OSTM1: variants seen among roughly 807,000 people sequenced by gnomAD.
The protein encoded by OSTM1 is osteopetrosis-associated transmembrane protein 1.
In OSTM1, 26 loss-of-function variants were observed where a neutral mutation model predicts 35.4. The ratio of observed to expected loss-of-function variants is 0.73; its 90% CI spans 0.54 to 1.02. The LOEUF (loss-of-function observed/expected upper bound fraction) is 1.02. Among genes scored for constraint, OSTM1 ranks in the 50% least tolerant of loss-of-function variants. The probability of loss-of-function intolerance (pLI) is 0.00; values close to 1 mark genes in which losing one functional copy is unlikely to be tolerated. For missense variants in OSTM1, 366 were observed against 409.6 expected, an observed-to-expected ratio of 0.89 and a Z score of 0.92; for synonymous variants, 181 against 165.0, an observed-to-expected ratio of 1.10 and a Z score of -0.75.
chr6:108,061,254 C>T (rs934081802), intron 2 of OSTM1, among the ~76,000 whole-genome samples: 1 of 152,052 alleles, frequency 6.6e-6, no homozygotes, highest in Non-Finnish European at 1.5e-5. Context: ...GGCTTCTTAT[C>T]CCATTTTAGT....
chr6:108,063,763 C>T (rs564275216), intron 2 of OSTM1, among the ~76,000 whole-genome samples: 4 of 152,282 alleles, frequency 2.6e-5, no homozygotes, highest in South Asian at 4.1e-4. Flanking sequence ...TTCTTGAACA[C>T]TAAATACGTG....
chr6:108,067,746 C>G (rs1413580547), intron 1 of OSTM1, among the ~76,000 whole-genome samples: 1 of 144,804 alleles, frequency 6.9e-6, no homozygotes, highest in Non-Finnish European at 1.5e-5. Context: ...TGGAGAATCG[C>G]TTGAACCTGG....
chr6:108,060,738 A>G (rs1452188085), intron 2 of OSTM1: 1 of 152,056 alleles, frequency 6.6e-6, no homozygotes, highest in Non-Finnish European at 1.5e-5. Flanking sequence ...ACAAACAAAA[A>G]CACTTTTTAA....
intron 1 of OSTM1, among the ~76,000 whole-genome samples, chr6:108,067,967 C>T (rs1772410163): frequency 6.6e-6 from 1 of 152,122 alleles, no homozygotes; most frequent in South Asian, 2.1e-4. Context: ...TTCACTCTTC[C>T]CATGTCCTCA....
rs546734513 is a variant in OSTM1, at chr6:108,074,071, C to T, written c.402+179G>A. On this transcript the variant is annotated intron_variant, in intron 1 of 5. Coordinates refer to ENST00000193322, the MANE Select transcript of OSTM1 (RefSeq NM_014028.4). ...CCAACAGCATTCTTGGAAGCAAAAA[C>T]CCAAATCCCAAGCCCCATAATGCCA... 5.9e-5 allele frequency among the ~76,000 whole-genome samples: 9 copies of T among 152,230 alleles called. No individual in the cohort carries two copies. The South Asian group carries it at 1.9e-3, about 32-fold the overall frequency.
intron 4 of OSTM1, 133 bp from the exon 5 acceptor site, chr6:108,049,551 G>T: frequency 6.8e-7 from 1 of 1,472,972 alleles, no homozygotes; most frequent in Non-Finnish European, 9.0e-7. Flanking sequence ...CCTACTGATA[G>T]TTGAGGACAA....
chr6:108,049,733 G>A (rs1436386963), intron 4 of OSTM1: 2 of 248,242 alleles, frequency 8.1e-6, no homozygotes, highest in East Asian at 9.4e-5. Context: ...GTTAGGCCCT[G>A]TTTTATTCAT....
At chr6:108,059,109 A>G (rs894931217) in intron 2 of OSTM1, among the ~76,000 whole-genome samples, 2 of 152,222 alleles carry the variant, frequency 1.3e-5, no homozygotes, top group Admixed American at 1.3e-4. Flanking sequence ...CCAAAGAACC[A>G]AAACACTAAA....
At chr6:108,058,511 G>A (rs1416494880) in intron 2 of OSTM1, among the ~76,000 whole-genome samples, 2 of 131,314 alleles carry the variant, frequency 1.5e-5, no homozygotes, top group South Asian at 2.4e-4. Context: ...GTTTTGGGCC[G>A]GGCGCAGTGG....
At chr6:108,058,268 T>C (rs952181369) in intron 2 of OSTM1, among the ~76,000 whole-genome samples, 1 of 152,094 alleles carries the variant, frequency 6.6e-6, no homozygotes, top group Non-Finnish European at 1.5e-5. Context: ...CTCTTAGGAA[T>C]TTTACAAAGA....
chr6:108,067,733 G>A (rs1360260940), intron 1 of OSTM1, among the ~76,000 whole-genome samples: 1 of 151,206 alleles, frequency 6.6e-6, no homozygotes. Context: ...AGGAGGCTGA[G>A]GCTGGAGAAT....
intron 1 of OSTM1, among the ~76,000 whole-genome samples, chr6:108,064,726 G>T: frequency 1.3e-5 from 2 of 152,010 alleles, no homozygotes; most frequent in Admixed American, 6.6e-5. Flanking sequence ...TATTTACTAG[G>T]CACTATAAAA....
chr6:108,059,643 C>A (rs1322226306), intron 2 of OSTM1, among the ~76,000 whole-genome samples: 1 of 151,826 alleles, frequency 6.6e-6, no homozygotes, highest in Non-Finnish European at 1.5e-5. Flanking sequence ...ACATTTTTTT[C>A]TGTTATTTAA....
rs1009010049 is a variant in OSTM1 at position 108,043,783 on chromosome 6, G to A, written c.*1002C>T. The A allele has an allele frequency of 2.6e-5, 4 of 152,164 alleles. No homozygotes were observed. The highest frequency in any genetic ancestry group is 1.3e-4 in the Admixed American group (2 of 15,282). The allele number at this position is 152,164 out of a possible 1,614,324, so 9.4% of individuals were successfully genotyped here. A position where few individuals can be genotyped will look rare whatever the true frequency, so the allele number is the denominator to read the frequency against. ...TCACTATTTTCTGCATGAGACTATC[G>A]TTCCGATTCATCCCCTCAATACACA... is the stretch of plus-strand genomic sequence containing the variant. On this transcript the variant is annotated 3_prime_UTR_variant, in exon 6 of 6. Coordinates refer to ENST00000193322, the MANE Select transcript of OSTM1 (RefSeq NM_014028.4).
At chr6:108,072,910 G>T (rs997449020) in intron 1 of OSTM1, among the ~76,000 whole-genome samples, 1 of 152,042 alleles carries the variant, frequency 6.6e-6, no homozygotes, top group Admixed American at 6.6e-5. Context: ...GACGTGTACC[G>T]CAATTCTTCT....
intron 1 of OSTM1, 151 bp from the exon 2 acceptor site, chr6:108,064,450 GATA>G (rs1772342416): frequency 3.1e-6 from 2 of 642,528 alleles, no homozygotes; most frequent in South Asian, 1.8e-5. Flanking sequence ...TAAAAACAAT[GATA>G]ATAAAGTAAT....
intron 1 of OSTM1, among the ~76,000 whole-genome samples, chr6:108,070,221 T>C (rs888162322): frequency 2.0e-5 from 3 of 152,078 alleles, no homozygotes; most frequent in Non-Finnish European, 4.4e-5. Flanking sequence ...ATATTTTTAG[T>C]AGAGACGGGG....
chr6:108,049,127 TAAAGC>T (rs1772031623), intron 5 of OSTM1, 121 bp downstream of exon 5: 1 of 679,210 alleles, frequency 1.5e-6, no homozygotes, highest in African/African-American at 1.8e-5. Flanking sequence ...TTGTAAAACT[TAAAGC>T]AGAGAGTCCT....
chr6:108,043,511 T>C lies in OSTM1; in HGVS notation c.*1274A>G, dbSNP rs937645914. On this transcript the variant is annotated 3_prime_UTR_variant, in exon 6 of 6. Coordinates refer to ENST00000193322, the MANE Select transcript of OSTM1 (RefSeq NM_014028.4). ...TTGTTTCTATATAGAGGAGATTTTA[T>C]ATTCTTAATGTTTACAACAAAGCCT... 6.6e-6 allele frequency: 1 copy of C among 152,240 alleles called. No individual in the cohort carries two copies. The highest frequency in any genetic ancestry group is 1.5e-5 in the Non-Finnish European group (1 of 68,040). 9.4% of individuals were successfully genotyped at this position (152,240 alleles called of 1,614,324 possible). A position where few individuals can be genotyped will look rare whatever the true frequency, so the allele number is the denominator to read the frequency against.
Sources: gnomAD v4.1 joint callset for allele counts (sites outside exome capture counted in the v4.1 genomes callset) on GRCh38, gnomAD v4.1.1 for gene constraint, MANE v1.5 for transcripts, NCBI Gene and HGNC (gene_info 2026-07-23, HGNC 2026-07-21) for gene names.